EYS: variants seen among roughly 807,000 people sequenced by gnomAD.
The protein encoded by EYS is protein eyes shut homolog.
In EYS, 250 loss-of-function variants were observed where a neutral mutation model predicts 282.1. That is an observed-to-expected ratio of 0.89 (90% confidence interval 0.80 to 0.98). The LOEUF (loss-of-function observed/expected upper bound fraction) is 0.98. EYS is among the 50% of genes least tolerant of loss of function. The probability of loss-of-function intolerance (pLI) is 0.00; values close to 1 mark genes in which losing one functional copy is unlikely to be tolerated. For missense variants in EYS, 4,016 were observed against 3,709.0 expected, an observed-to-expected ratio of 1.08 and a Z score of -2.15; for synonymous variants, 1,355 against 1,282.9, an observed-to-expected ratio of 1.06 and a Z score of -1.20.
chr6:65,488,056 C>T (rs1348133083), intron 5 of EYS, among the ~76,000 whole-genome samples: 1 of 151,672 alleles, frequency 6.6e-6, no homozygotes, highest in Non-Finnish European at 1.5e-5. Context: ...CTATTTAATT[C>T]TTCTCTCTTT....
intron 12 of EYS, among the ~76,000 whole-genome samples, chr6:65,280,512 C>G (rs1298875662): frequency 2.0e-5 from 3 of 152,076 alleles, no homozygotes; most frequent in Non-Finnish European, 4.4e-5. Flanking sequence ...TCAAGCTATA[C>G]TAAGAAATTA....
intron 22 of EYS, among the ~76,000 whole-genome samples, chr6:64,746,196 T>C (rs1279927903): frequency 1.3e-5 from 2 of 151,990 alleles, no homozygotes; most frequent in Non-Finnish European, 2.9e-5. Context: ...TAATTGCCCT[T>C]GTAACAATAT....
intron 35 of EYS, among the ~76,000 whole-genome samples, chr6:63,969,241 A>T (rs1004826381): frequency 6.6e-6 from 1 of 152,106 alleles, no homozygotes. Context: ...CTCTCTTTTG[A>T]TGTGCTTGTA....
intron 24 of EYS, among the ~76,000 whole-genome samples, chr6:64,593,529 A>C (rs1766476801): frequency 1.3e-5 from 2 of 152,142 alleles, no homozygotes; most frequent in Admixed American, 1.3e-4. Context: ...GCATGCCCAA[A>C]TTTATTCTTA....
intron 19 of EYS, among the ~76,000 whole-genome samples, chr6:64,830,892 C>A (rs1188316133): frequency 6.6e-6 from 1 of 151,918 alleles, no homozygotes; most frequent in Non-Finnish European, 1.5e-5. Context: ...AATTCTTCCC[C>A]AGGAATTGAA....
chr6:65,287,678 T>A (rs1768406232), intron 12 of EYS, among the ~76,000 whole-genome samples: 1 of 151,394 alleles, frequency 6.6e-6, no homozygotes. Flanking sequence ...AGCTGCCATC[T>A]AATTATAATA....
rs139530704 is a variant in EYS, at chr6:65,284,021, C to T, written c.2023+11842G>A. Among the ~76,000 whole-genome samples, 156 of 152,114 alleles carry T rather than the reference C, an allele frequency of 1.0e-3. 3 individuals are homozygous for T. In the East Asian group the frequency reaches 0.024, roughly 23 times the overall value. Reference sequence around the variant, plus strand: ...TTGACTGAATGTTATATACGTTTTCCATCAAAGCGATGCACCAGTACTCCT... The same window carrying T: ...TTGACTGAATGTTATATACGTTTTCTATCAAAGCGATGCACCAGTACTCCT... On this transcript the variant is annotated intron_variant, in intron 12 of 42. Transcript: ENST00000503581.
At chr6:65,077,988 A>T (rs749981291) in intron 12 of EYS, among the ~76,000 whole-genome samples, 1 of 152,232 alleles carries the variant, frequency 6.6e-6, no homozygotes, top group East Asian at 1.9e-4. Context: ...CTGTCAGAAA[A>T]TTATGCCATC....
intron 12 of EYS, among the ~76,000 whole-genome samples, chr6:65,077,452 T>A (rs1561954155): frequency 6.6e-6 from 1 of 152,144 alleles, no homozygotes; most frequent in Non-Finnish European, 1.5e-5. Context: ...TCTAGGTTTA[T>A]AATGAAATTG....
At chr6:64,180,859 G>C (rs1156899492) in intron 31 of EYS, among the ~76,000 whole-genome samples, 1 of 152,044 alleles carries the variant, frequency 6.6e-6, no homozygotes, top group Non-Finnish European at 1.5e-5. Flanking sequence ...TGTCACATTG[G>C]CATATTGAGT....
intron 2 of EYS, among the ~76,000 whole-genome samples, chr6:65,549,742 T>G (rs1036576495): frequency 1.3e-5 from 2 of 152,238 alleles, no homozygotes; most frequent in African/African-American, 4.8e-5. Flanking sequence ...TCAGCTCATA[T>G]GTTTTTCCAA....
chr6:65,036,537 G>A (rs371687154), intron 13 of EYS, among the ~76,000 whole-genome samples: 3 of 151,528 alleles, frequency 2.0e-5, no homozygotes, highest in Non-Finnish European at 2.9e-5. Flanking sequence ...CCTAAAAAAC[G>A]GGAGTAAATA....
At chr6:63,815,633 C>T (rs1309415472) in intron 36 of EYS, among the ~76,000 whole-genome samples, 1 of 152,082 alleles carries the variant, frequency 6.6e-6, no homozygotes, top group Admixed American at 6.6e-5. Context: ...AAGCATTTAA[C>T]TGATATTCAG....
chr6:64,234,910 G>C (rs1351508083), intron 30 of EYS, among the ~76,000 whole-genome samples: 1 of 149,824 alleles, frequency 6.7e-6, no homozygotes, highest in Non-Finnish European at 1.5e-5. Context: ...ACAGAGTCTC[G>C]CTCTGTCACC....
intron 26 of EYS, among the ~76,000 whole-genome samples, chr6:64,518,559 T>C (rs545933412): frequency 6.6e-6 from 1 of 151,792 alleles, no homozygotes; most frequent in Non-Finnish European, 1.5e-5. Flanking sequence ...TAGTCTTTAG[T>C]TGATAATCAC....
chr6:65,552,941 T>G (rs1281961435), intron 2 of EYS, among the ~76,000 whole-genome samples: 2 of 152,120 alleles, frequency 1.3e-5, no homozygotes, highest in Non-Finnish European at 2.9e-5. Flanking sequence ...GAAATTGCAT[T>G]AATGAAAAAT....
In EYS at chr6:65,261,293, A is replaced by T. The variant is rs1582075302; in HGVS notation, c.2023+34570T>A. Among the ~76,000 whole-genome samples, 3 of 151,762 alleles carry T rather than the reference A, an allele frequency of 2.0e-5. No homozygotes were observed. In the South Asian group the frequency reaches 6.2e-4, roughly 31 times the overall value. On this transcript the variant is annotated intron_variant, in intron 12 of 42. Coordinates refer to ENST00000503581, the MANE Select transcript of EYS (RefSeq NM_001142800.2). ...TACATATATATTTACATTCACATGA[A>T]TATATATATACACACACAAACATAT...
In EYS at chr6:63,720,397, A is replaced by G. The variant is rs1768326428; in HGVS notation, c.*199T>C. On this transcript the variant is annotated 3_prime_UTR_variant, in exon 43 of 43. Transcript: ENST00000503581. Reference sequence around the variant, plus strand: ...GGAGTTAAAACATGAATCAAAATATATACAGATAAATTAGATGTAGGAAAA... The same window carrying G: ...GGAGTTAAAACATGAATCAAAATATGTACAGATAAATTAGATGTAGGAAAA... 7.9e-6 allele frequency: 4 copies of G among 508,344 alleles called. No individual in the cohort carries two copies. The highest frequency in any genetic ancestry group is 7.6e-5 in the South Asian group (2 of 26,294). 31.5% of individuals were successfully genotyped at this position (508,344 alleles called of 1,614,324 possible). A position where few individuals can be genotyped will look rare whatever the true frequency, so the allele number is the denominator to read the frequency against.
chr6:64,941,800 T>C (rs1445079665), intron 15 of EYS, among the ~76,000 whole-genome samples: 1 of 152,168 alleles, frequency 6.6e-6, no homozygotes. Flanking sequence ...TTGTTCTTCT[T>C]CATGGCTGCA....
Sources: allele counts gnomAD v4.1 joint callset (sites outside exome capture counted in the v4.1 genomes callset), GRCh38; gene constraint gnomAD v4.1.1; transcripts MANE v1.5; gene names NCBI Gene and HGNC (gene_info 2026-07-23, HGNC 2026-07-21).